GGTA1: variants seen among roughly 807,000 people sequenced by gnomAD.
GGTA1 encodes the protein inactive N-acetyllactosaminide alpha-1,3-galactosyltransferase.
In GGTA1, 5 loss-of-function variants were observed where a neutral mutation model predicts 2.6. That is an observed-to-expected ratio of 1.92 (90% CI 1.00 to 4.04). The LOEUF is 4.04. Ranked by LOEUF, GGTA1 falls within the 30% of genes most tolerant of loss-of-function variation. The probability of loss-of-function intolerance (pLI) is 0.00; values close to 1 mark genes in which losing one functional copy is unlikely to be tolerated. For synonymous variants in GGTA1, 17 were observed against 5.0 expected (o/e 3.38, Z -3.19); for missense variants, 50 against 16.7 (o/e 2.99, Z -3.47).
At chr9:121,480,157 G>A (rs1828611671) in intron 1 of GGTA1, among the ~76,000 whole-genome samples, 1 of 151,884 alleles carries the variant, frequency 6.6e-6, no homozygotes, top group Non-Finnish European at 1.5e-5. Flanking sequence ...CCGGGTTCAA[G>A]TGATTCTCCT....
chr9:121,459,166 C>T (rs1398013524), intron 5 of GGTA1, among the ~76,000 whole-genome samples: 1 of 152,176 alleles, frequency 6.6e-6, no homozygotes, highest in East Asian at 1.9e-4. Flanking sequence ...GGGATAGATG[C>T]TATTTTCAGG....
At chr9:121,478,301 G>A (rs764426663) in intron 1 of GGTA1, among the ~76,000 whole-genome samples, 28 of 152,328 alleles carry the variant, frequency 1.8e-4, no homozygotes, top group Non-Finnish European at 3.7e-4. Context: ...TTCTGTGTGC[G>A]TGTTGTGGGG....
chr9:121,450,784 A>G (rs78757180), downstream of GGTA1, among the ~76,000 whole-genome samples: 764 of 152,330 alleles, frequency 5.0e-3, 4 homozygotes, highest in South Asian at 0.037. Context: ...TCAAAACTCC[A>G]CAGTCACCTT....
At chr9:121,481,886 C>T (rs951495361) in intron 1 of GGTA1, among the ~76,000 whole-genome samples, 7 of 151,514 alleles carry the variant, frequency 4.6e-5, no homozygotes, top group Non-Finnish European at 8.8e-5. Context: ...ATCCCAGCTA[C>T]TCAGGAGGCT....
chr9:121,479,191 T>C (rs183029770), intron 1 of GGTA1: 150 of 438,086 alleles, frequency 3.4e-4, no homozygotes, highest in African/African-American at 2.8e-3. Flanking sequence ...GACCCCAGCA[T>C]GGCAGAAGCA....
chr9:121,492,708 A>G (rs1828895667), intron 1 of GGTA1, among the ~76,000 whole-genome samples: 1 of 151,862 alleles, frequency 6.6e-6, no homozygotes, highest in African/African-American at 2.4e-5. Flanking sequence ...TCCCTACCTC[A>G]GGTGATCCGC....
At chr9:121,474,991 C>A (rs1828475768) in intron 1 of GGTA1, among the ~76,000 whole-genome samples, 1 of 152,136 alleles carries the variant, frequency 6.6e-6, no homozygotes, top group African/African-American at 2.4e-5. Context: ...AGTGTCAGAG[C>A]CGTTTGAACC....
chr9:121,448,613 TA>T (rs1339192536), intron 7 of GGTA1, among the ~76,000 whole-genome samples: 1 of 152,124 alleles, frequency 6.6e-6, no homozygotes, highest in Admixed American at 6.5e-5. Flanking sequence ...AAAGAGAAGA[TA>T]AAAAAATTAA....
chr9:121,450,267 G>A (rs527657101), downstream of GGTA1, among the ~76,000 whole-genome samples: 1 of 150,484 alleles, frequency 6.6e-6, no homozygotes, highest in East Asian at 2.0e-4. Flanking sequence ...AAATCCTTCA[G>A]TATTCTGGGA....
rs1828506478 is a variant in GGTA1, at chr9:121,476,234, G to A, written c.-9-8303C>T. Among the ~76,000 whole-genome samples, 2 of 152,168 alleles carry A rather than the reference G, an allele frequency of 1.3e-5. No homozygotes were observed. The highest frequency in any genetic ancestry group is 4.1e-4 in the South Asian group (2 of 4,828). On this transcript the variant is annotated intron_variant, in intron 1 of 5. Coordinates refer to ENST00000481799, the MANE Select transcript of GGTA1 (RefSeq NM_001382585.1). The surrounding 1 kb of genome is among the most constrained non-coding windows in gnomAD (Gnocchi z 4.6). ...CACGCCAACTGCATGTTGTGATAAA[G>A]TCAGCTCCATGCCCTGCTCTATCCC...
downstream of GGTA1, among the ~76,000 whole-genome samples, chr9:121,451,476 C>T (rs1055850286): frequency 3.3e-5 from 5 of 152,142 alleles, no homozygotes; most frequent in African/African-American, 1.2e-4. Context: ...TGAGCCACCG[C>T]ACCTGGCCTA....
chr9:121,474,768 C>A (rs1247853037), intron 1 of GGTA1, among the ~76,000 whole-genome samples: 1 of 152,070 alleles, frequency 6.6e-6, no homozygotes, highest in South Asian at 2.1e-4. Flanking sequence ...CATGGAAAAG[C>A]CATTATCTCA....
Position 121,455,252 on chromosome 9 carries a change from G to A in GGTA1, c.*585C>T, listed in dbSNP as rs2064901036. On this transcript the variant is annotated 3_prime_UTR_variant, in exon 6 of 6. Coordinates refer to ENST00000481799, the MANE Select transcript of GGTA1 (RefSeq NM_001382585.1). ...GTCTTATACTTCTGTAACCATTTCT[G>A]AACTTAAAACTCTCTTGTTCGTTAC... The A allele has an allele frequency of 6.6e-6, 1 of 152,098 alleles. No individual in the cohort carries two copies. Among genetic ancestry groups the A allele is most frequent in the Non-Finnish European group, 1.5e-5 (1 of 68,024 alleles). 9.4% of individuals were successfully genotyped at this position (152,098 alleles called of 1,614,324 possible).
At chr9:121,493,497 T>C (rs942030343) in intron 1 of GGTA1, among the ~76,000 whole-genome samples, 3 of 152,184 alleles carry the variant, frequency 2.0e-5, no homozygotes, top group African/African-American at 7.2e-5. Flanking sequence ...TTCAGGGCTT[T>C]TGTGAGGCTC....
At chr9:121,494,057 G>A (rs973823925) in intron 1 of GGTA1, among the ~76,000 whole-genome samples, 1 of 151,840 alleles carries the variant, frequency 6.6e-6, no homozygotes, top group Admixed American at 6.6e-5. Flanking sequence ...GCACCCAGCC[G>A]CTAGGCTCAC....
chr9:121,474,910 C>T, intron 1 of GGTA1, among the ~76,000 whole-genome samples: 1 of 152,106 alleles, frequency 6.6e-6, no homozygotes, highest in East Asian at 1.9e-4. Context: ...CCGCTTGAGC[C>T]TTAATCACTT....
rs1035121949 is a variant in GGTA1, at chr9:121,446,494, A to G, written c.*1222T>C. On this transcript the variant is annotated 3_prime_UTR_variant and NMD_transcript_variant, in exon 8 of 8. Transcript: ENST00000481534. ...GAGAGTTCTGCTGCACAGTAACTCC[A>G]TGTTGCTTTAGACCCATCAGAAATA... 5 of 152,378 alleles carry G rather than the reference A, an allele frequency of 3.3e-5. 1 individual carries two copies. The East Asian group carries it at 9.6e-4, about 29-fold the overall frequency. 9.4% of individuals were successfully genotyped at this position (152,378 alleles called of 1,614,324 possible).
intron 1 of GGTA1, chr9:121,478,980 T>G: frequency 2.3e-6 from 1 of 443,158 alleles, no homozygotes; most frequent in Non-Finnish European, 4.5e-6. Context: ...ATTAACAACT[T>G]AAATCCTTCA....
rs888266871 is a variant in GGTA1, at chr9:121,481,792, T to C, written c.-9-13861A>G. ...CGGGTGGATCACCTGAGGTCAGGAG[T>C]TCGAGACCAGCCTGACCAACATGGA... On this transcript the variant is annotated intron_variant, in intron 1 of 5. Coordinates refer to ENST00000481799, the MANE Select transcript of GGTA1 (RefSeq NM_001382585.1). Among the ~76,000 whole-genome samples the C allele has an allele frequency of 7.9e-4, 106 of 133,612 alleles. 1 individual carries two copies. The Admixed American group carries it at 8.0e-3, about 10-fold the overall frequency. The allele number at this position is 133,612 out of a possible 152,430, so 87.7% of individuals were successfully genotyped here. A position where few individuals can be genotyped will look rare whatever the true frequency, so the allele number is the denominator to read the frequency against.
Sources: allele counts gnomAD v4.1 joint callset (sites outside exome capture counted in the v4.1 genomes callset), GRCh38; gene constraint gnomAD v4.1.1; non-coding constraint Gnocchi (gnomAD v3.1); transcripts MANE v1.5; gene names NCBI Gene and HGNC (gene_info 2026-07-23, HGNC 2026-07-21).